The following TFB1M variants were observed in gnomAD, a reference collection of about 807,000 sequenced individuals.
The protein encoded by TFB1M is dimethyladenosine transferase 1, mitochondrial.
A neutral mutation model predicts 31.1 loss-of-function variants in TFB1M; 27 were observed. The observed-to-expected ratio is 0.87, with a 90% confidence interval of 0.64 to 1.20. The LOEUF is 1.20. TFB1M is among the 50% of genes most tolerant of loss of function. The pLI is 0.00. For missense variants in TFB1M, 394 were observed against 418.7 expected (o/e 0.94, Z 0.51); for synonymous variants, 166 against 151.8 (o/e 1.09, Z -0.69).
chr6:155,254,040 C>T (rs746744894), downstream of TFB1M: 2 of 1,613,888 alleles, frequency 1.2e-6, no homozygotes, highest in African/African-American at 2.7e-5. Context: ...GGCCAGAAAC[C>T]ATCTTTCAGT....
intron 3 of TFB1M, 40 bp from the exon 4 acceptor site, chr6:155,297,144 A>G: frequency 6.3e-7 from 1 of 1,597,644 alleles, no homozygotes; most frequent in Non-Finnish European, 8.6e-7. Flanking sequence ...TGATTCCATC[A>G]ATATATTCTG....
chr6:155,245,384 GT>G, the TFB1M span, among the ~76,000 whole-genome samples: 1 of 152,174 alleles, frequency 6.6e-6, no homozygotes, highest in Admixed American at 6.5e-5. Flanking sequence ...TTTGTTTCTT[GT>G]CCTTGGATTG....
intron 2 of TFB1M, among the ~76,000 whole-genome samples, chr6:155,300,390 A>C (rs1412128818): frequency 6.6e-6 from 1 of 152,218 alleles, no homozygotes; most frequent in African/African-American, 2.4e-5. Flanking sequence ...AGTTCCAGGC[A>C]ATAAATCTTG....
intron 2 of TFB1M, among the ~76,000 whole-genome samples, chr6:155,307,268 A>C (rs1277114402): frequency 1.3e-5 from 2 of 152,158 alleles, no homozygotes; most frequent in Non-Finnish European, 2.9e-5. Flanking sequence ...AAAGTGTATT[A>C]GCTCGTTTTC....
intron 2 of TFB1M, chr6:155,303,380 A>G (rs1474233110): frequency 6.6e-6 from 1 of 152,094 alleles, no homozygotes; most frequent in African/African-American, 2.4e-5. Context: ...TTCTGCGTTT[A>G]TATTTGTCTT....
rs1027818823 is a variant in TFB1M, at chr6:155,258,179, G to A, written c.795-97C>T. 2.8e-6 allele frequency: 4 copies of A among 1,433,094 alleles called. No homozygotes were observed. In the African/African-American group the frequency reaches 5.6e-5, roughly 20 times the overall value. 88.8% of individuals were successfully genotyped at this position (1,433,094 alleles called of 1,614,324 possible). ...CCTCATTTGAAAACAACACAACACAGTTGCTGGCTACTGACAGCTGGAGAG... is the reference window on the plus strand; with the variant it reads ...CCTCATTTGAAAACAACACAACACAATTGCTGGCTACTGACAGCTGGAGAG... On this transcript the variant is annotated intron_variant, in intron 6 of 6. Transcript: ENST00000367166.
the TFB1M span, chr6:155,248,060 C>T: frequency 6.2e-7 from 1 of 1,614,148 alleles, no homozygotes. Context: ...AAGCAGCATT[C>T]CTCCACGCTG....
intron 4 of TFB1M, among the ~76,000 whole-genome samples, chr6:155,292,350 A>G (rs1446678619): frequency 6.6e-6 from 1 of 152,180 alleles, no homozygotes. Context: ...TGAGGTAGCA[A>G]AAGGGTCCCA....
chr6:155,257,069 C>T lies in TFB1M; in HGVS notation c.*767G>A. The T allele has an allele frequency of 1.2e-6, 2 of 1,613,742 alleles. No homozygotes were observed. The highest frequency in any genetic ancestry group is 1.7e-6 in the Non-Finnish European group (2 of 1,180,000). On this transcript the variant is annotated 3_prime_UTR_variant, in exon 7 of 7. Transcript: ENST00000367166. ...GAATTCAGTGTCCAGAGTTTAACAT[C>T]TGTTGTCAGTGAGGAGTGTTTTTAT...
chr6:155,303,979 C>A (rs573063029), intron 2 of TFB1M, among the ~76,000 whole-genome samples: 2 of 152,266 alleles, frequency 1.3e-5, no homozygotes, highest in Non-Finnish European at 1.5e-5. Context: ...CATGAACTTT[C>A]CACTATGCCA....
downstream of TFB1M, chr6:155,254,136 T>C (rs1425350764): frequency 1.0e-5 from 15 of 1,469,970 alleles, no homozygotes; most frequent in Non-Finnish European, 1.3e-5. Flanking sequence ...TTATATTTAG[T>C]GCCCTCCTGA....
intron 3 of TFB1M, 82 bp from the exon 4 acceptor site, chr6:155,297,186 T>G: frequency 1.4e-6 from 2 of 1,433,742 alleles, no homozygotes; most frequent in Non-Finnish European, 1.9e-6. Context: ...AAAATCAGAC[T>G]GGATATTAAT....
chr6:155,295,658 G>A (rs1335943091), intron 4 of TFB1M, among the ~76,000 whole-genome samples: 3 of 152,074 alleles, frequency 2.0e-5, no homozygotes, highest in Admixed American at 6.6e-5. Context: ...ACAGTCATCC[G>A]TCAGTATCTG....
chr6:155,284,198 C>T (rs544487719), intron 5 of TFB1M, among the ~76,000 whole-genome samples: 12 of 152,296 alleles, frequency 7.9e-5, no homozygotes, highest in South Asian at 6.2e-4. Context: ...ATCACTTAGG[C>T]GTCTTCAAGA....
chr6:155,259,738 T>C (rs1335237644), intron 6 of TFB1M, among the ~76,000 whole-genome samples: 1 of 152,220 alleles, frequency 6.6e-6, no homozygotes, highest in Non-Finnish European at 1.5e-5. Context: ...GCTGTGGTCC[T>C]TCAGAGCCCA....
the TFB1M span, among the ~76,000 whole-genome samples, chr6:155,245,109 C>A: frequency 1.3e-5 from 2 of 152,180 alleles, no homozygotes; most frequent in East Asian, 3.9e-4. Flanking sequence ...CTACCCTGTG[C>A]CCAATCCTTC....
At chr6:155,260,677 T>C (rs1162851128) in intron 5 of TFB1M, 2 of 482,018 alleles carry the variant, frequency 4.1e-6, no homozygotes, top group African/African-American at 2.0e-5. Flanking sequence ...AGTTTCACAA[T>C]GGCTTAAAAA....
Position 155,314,402 on chromosome 6 carries a change from A to G in TFB1M, c.27T>C (p.Thr9=). ...TCGTGGGCAACGGAGGGAGACGGCAAGTGCTGAGTTTTCCGGAGGCAGCCA... is the reference window on the plus strand; with the variant it reads ...TCGTGGGCAACGGAGGGAGACGGCAGGTGCTGAGTTTTCCGGAGGCAGCCA... MAASGKLS[T]CRLPPLPTIR... The change falls in exon 1 of 7, where the codon ACT becomes ACC. Residue 9 remains threonine (T), a synonymous_variant. Transcript: ENST00000367166. The G allele has an allele frequency of 6.2e-7, 1 of 1,614,264 alleles. No homozygotes were observed. The highest frequency in any genetic ancestry group is 1.7e-4 in the Middle Eastern group (1 of 6,058).
chr6:155,257,247 C>T lies in TFB1M; in HGVS notation c.*589G>A. 9.6e-7 allele frequency: 1 copy of T among 1,046,804 alleles called. No homozygotes were observed. The highest frequency in any genetic ancestry group is 1.3e-6 in the Non-Finnish European group (1 of 742,190). The allele number at this position is 1,046,804 out of a possible 1,614,324, so 64.8% of individuals were successfully genotyped here. A position where few individuals can be genotyped will look rare whatever the true frequency, so the allele number is the denominator to read the frequency against. ...CTGGGTTTTGTGCAGTATACATTTT[C>T]CCACAAAATGGTTGTAAAGATTTAA... is the stretch of plus-strand genomic sequence containing the variant. On this transcript the variant is annotated 3_prime_UTR_variant, in exon 7 of 7. Coordinates refer to ENST00000367166, the MANE Select transcript of TFB1M (RefSeq NM_016020.4).
Sources: allele counts gnomAD v4.1 joint callset (sites outside exome capture counted in the v4.1 genomes callset), GRCh38; gene constraint gnomAD v4.1.1; transcripts MANE v1.5; gene names NCBI Gene and HGNC (gene_info 2026-07-23, HGNC 2026-07-21).